MAX: variants seen among roughly 807,000 people sequenced by gnomAD.
MAX encodes the protein protein max.
MAX carries 3 observed loss-of-function variants against 22.3 expected under a neutral mutation model. The observed-to-expected ratio is 0.13, with a 90% CI of 0.06 to 0.35. MAX has a LOEUF of 0.35. Among genes scored for constraint, MAX ranks in the 10% least tolerant of loss-of-function variants. The pLI, the probability that MAX is intolerant of heterozygous loss-of-function variation, is 1.00. For synonymous variants in MAX, 72 were observed against 77.7 expected (o/e 0.93, Z 0.39); for missense variants, 119 against 209.4 (o/e 0.57, Z 2.66).
rs2063078049 is a variant in MAX, at chr14:65,077,035, A to G, written c.296-372T>C. 3.7e-6 allele frequency: 2 copies of G among 546,706 alleles called. No individual in the cohort carries two copies. Among genetic ancestry groups the G allele is most frequent in the South Asian group, 4.2e-5 (2 of 48,038 alleles). 33.9% of individuals were successfully genotyped at this position (546,706 alleles called of 1,614,324 possible). Reference sequence around the variant, plus strand: ...GGAGCATGAGGCTCCACAAGGTGTGAGGCCACACAACAGCAGGAAAGGATG... The same window carrying G: ...GGAGCATGAGGCTCCACAAGGTGTGGGGCCACACAACAGCAGGAAAGGATG... On this transcript the variant is annotated intron_variant, in intron 4 of 4. Coordinates refer to ENST00000358664, the MANE Select transcript of MAX (RefSeq NM_002382.5). The surrounding 1 kb of genome is among the most constrained non-coding windows in gnomAD (Gnocchi z 6.3).
In MAX at chr14:65,029,510, T is replaced by G. The variant is rs769013599; in HGVS notation, c.172-23226A>C. 3.3e-5 allele frequency among the ~76,000 whole-genome samples: 5 copies of G among 152,250 alleles called. No individual in the cohort carries two copies. The highest frequency in any genetic ancestry group is 5.9e-5 in the Non-Finnish European group (4 of 68,040). The stretch of plus-strand genomic sequence containing the variant: ...TCAAGGGTCTGTAGTTCCAGTGTAT[T>G]GTAAAAAATCAAATCACAGTGAACT... On this transcript the variant is annotated intron_variant, in intron 3 of 3. Transcript: ENST00000341653. This position sits in a 1 kb window ranked among gnomAD's most constrained non-coding sequence, Gnocchi z 4.7.
intron 3 of MAX, among the ~76,000 whole-genome samples, chr14:65,024,768 C>G (rs72728253): frequency 0.1 from 15,178 of 151,942 alleles, 1,012 homozygotes; most frequent in Admixed American, 0.17. Flanking sequence ...TTTTTCTCCC[C>G]CTACATTTGT....
At chr14:65,061,871 G>C (rs990709720) in intron 3 of MAX, 1 of 155,070 alleles carries the variant, frequency 6.4e-6, no homozygotes, top group African/African-American at 2.4e-5. Context: ...GGTGGGGAGA[G>C]AAAGATCTCC....
upstream of MAX, chr14:65,102,566 G>C (rs1302072386): frequency 6.9e-7 from 1 of 1,443,866 alleles, no homozygotes; most frequent in Non-Finnish European, 9.1e-7. Flanking sequence ...CCCCCGCCAC[G>C]TGACCAGGCT....
chr14:65,078,171 T>G lies in MAX; in HGVS notation c.172-135A>C, dbSNP rs1285327722. ...GTGGGAAAAGGCTGAAGAAATACAA[T>G]AATGGCTACTGTAGGCTTTATTTAT... is the stretch of plus-strand genomic sequence containing the variant. On this transcript the variant is annotated intron_variant, in intron 3 of 4. Transcript: ENST00000358664. This position sits in a 1 kb window ranked among gnomAD's most constrained non-coding sequence, Gnocchi z 6.4. 2.3e-6 allele frequency: 2 copies of G among 858,128 alleles called. No homozygotes were observed. Among genetic ancestry groups the G allele is most frequent in the Non-Finnish European group, 3.9e-6 (2 of 513,970 alleles). 53.2% of individuals were successfully genotyped at this position (858,128 alleles called of 1,614,324 possible). A position where few individuals can be genotyped will look rare whatever the true frequency, so the allele number is the denominator to read the frequency against.
At chr14:65,017,525 T>C (rs1019958817) in intron 3 of MAX, among the ~76,000 whole-genome samples, 1 of 152,118 alleles carries the variant, frequency 6.6e-6, no homozygotes, top group African/African-American at 2.4e-5. Context: ...TGTTTTATAG[T>C]GAAGGCTTTT....
chr14:65,015,855 C>T (rs775568631), intron 3 of MAX: 20 of 892,748 alleles, frequency 2.2e-5, no homozygotes, highest in Middle Eastern at 2.8e-4. Flanking sequence ...TCATGACCTC[C>T]GGCAACTTCC....
At chr14:65,083,577 C>T (rs1816408280) in intron 3 of MAX, among the ~76,000 whole-genome samples, 1 of 152,078 alleles carries the variant, frequency 6.6e-6, no homozygotes, top group Admixed American at 6.5e-5. Context: ...ACTGCCCTTC[C>T]CTAGGGTCCC....
intron 3 of MAX, among the ~76,000 whole-genome samples, chr14:65,025,390 G>A (rs754127169): frequency 7.2e-5 from 11 of 152,324 alleles, no homozygotes; most frequent in Admixed American, 7.2e-4. Context: ...CTTTTGGTAT[G>A]CTAGTGCAGC....
intron 3 of MAX, among the ~76,000 whole-genome samples, chr14:65,085,388 C>T (rs977657953): frequency 3.3e-5 from 5 of 152,114 alleles, no homozygotes; most frequent in Non-Finnish European, 5.9e-5. Flanking sequence ...AAAGTTTTTG[C>T]AATTTTGTTG....
chr14:65,102,382 G>A lies in MAX; in HGVS notation c.-43C>T, dbSNP rs1310955955. ...GCGGCCACTGCAGCGGCGGCGGGGA[G>A]GGGAAGGGGTGAAGGGGAGGGGGAA... On this transcript the variant is annotated 5_prime_UTR_variant, in exon 1 of 5. Transcript: ENST00000358664. The A allele has an allele frequency of 6.2e-7, 1 of 1,608,548 alleles. No homozygotes were observed. The highest frequency in any genetic ancestry group is 1.1e-5 in the South Asian group (1 of 90,244).
chr14:65,070,193 G>C (rs1336761426), downstream of MAX, among the ~76,000 whole-genome samples: 1 of 152,182 alleles, frequency 6.6e-6, no homozygotes, highest in Non-Finnish European at 1.5e-5. The surrounding 1 kb of genome is among the most constrained non-coding windows in gnomAD (Gnocchi z 4.4). Context: ...GCAGAAGTAG[G>C]CTTTCTGGAG....
intron 3 of MAX, among the ~76,000 whole-genome samples, chr14:65,066,862 C>CAAAAA (rs759184338): frequency 1.1e-5 from 1 of 88,844 alleles, no homozygotes. Context: ...AATTCCATCT[C>CAAAAA]AAAAAAAAAA....
At position 65,029,867 on chromosome 14, in the gene MAX, A is replaced by G. The variant is rs372704666; in HGVS notation, c.172-23583T>C. 3.3e-4 allele frequency among the ~76,000 whole-genome samples: 50 copies of G among 152,304 alleles called. No individual in the cohort carries two copies. The South Asian group carries it at 6.2e-3, about 19-fold the overall frequency. ...TGCAGTGATGGACTGTAGTGTTCCA[A>G]TAAAAGCCCTCTGGTTTCAGGGCTG... On this transcript the variant is annotated intron_variant, in intron 3 of 3. Coordinates refer to the MAX transcript ENST00000341653. The surrounding 1 kb of genome is among the most constrained non-coding windows in gnomAD (Gnocchi z 4.7).
chr14:65,019,983 A>G (rs1396349777), intron 3 of MAX, among the ~76,000 whole-genome samples: 2 of 152,190 alleles, frequency 1.3e-5, no homozygotes, highest in East Asian at 1.9e-4. Flanking sequence ...CTTCATACAA[A>G]TATATTAAGG....
At chr14:65,010,016 C>G (rs1171852525) in intron 3 of MAX, among the ~76,000 whole-genome samples, 1 of 152,180 alleles carries the variant, frequency 6.6e-6, no homozygotes, top group Non-Finnish European at 1.5e-5. Context: ...GAAAGAGAAA[C>G]TGAGTCTGGC....
intron 2 of MAX, among the ~76,000 whole-genome samples, chr14:65,098,206 CA>C (rs1374364138): frequency 6.6e-6 from 1 of 152,186 alleles, no homozygotes; most frequent in African/African-American, 2.4e-5. Flanking sequence ...TCACTGTAAG[CA>C]TCACTGTCAA....
At chr14:65,056,640 C>T (rs757163107) in intron 3 of MAX, among the ~76,000 whole-genome samples, 3 of 152,100 alleles carry the variant, frequency 2.0e-5, no homozygotes, top group Non-Finnish European at 2.9e-5. Flanking sequence ...AATTGTCTGC[C>T]AGTTCATATT....
At chr14:65,019,377 C>T (rs780710937) in intron 3 of MAX, among the ~76,000 whole-genome samples, 1 of 151,772 alleles carries the variant, frequency 6.6e-6, no homozygotes, top group Non-Finnish European at 1.5e-5. Context: ...ATCCCAGCTA[C>T]TCGGGAGACT....
Sources: gnomAD v4.1 joint callset for allele counts (sites outside exome capture counted in the v4.1 genomes callset) on GRCh38, gnomAD v4.1.1 for gene constraint, Gnocchi (gnomAD v3.1) non-coding constraint, MANE v1.5 for transcripts, NCBI Gene and HGNC (gene_info 2026-07-23, HGNC 2026-07-21) for gene names.